The following ATP8B4 variants were observed in gnomAD, a reference collection of about 807,000 sequenced individuals.
ATP8B4 encodes the protein ATPase phospholipid transporting 8B4 (putative).
In ATP8B4, 133 loss-of-function variants were observed where a neutral mutation model predicts 145.6. The observed-to-expected ratio is 0.91, with a 90% CI of 0.79 to 1.05. The LOEUF is 1.05. Ranked by LOEUF, ATP8B4 falls within the 50% of genes least tolerant of loss-of-function variation. ATP8B4 has a pLI of 0.00. For synonymous variants in ATP8B4, 507 were observed against 492.9 expected, an observed-to-expected ratio of 1.03 and a Z score of -0.38; for missense variants, 1,458 against 1,425.2, an observed-to-expected ratio of 1.02 and a Z score of -0.37.
chr15:50,173,404 G>C (rs1282582851), intron 1 of ATP8B4, among the ~76,000 whole-genome samples: 1 of 151,852 alleles, frequency 6.6e-6, no homozygotes, highest in East Asian at 1.9e-4. Context: ...CCCCAACCCC[G>C]TGCTCTCTGA....
intron 1 of ATP8B4, among the ~76,000 whole-genome samples, chr15:50,138,968 A>G (rs533994556): frequency 6.6e-6 from 1 of 152,310 alleles, no homozygotes; most frequent in East Asian, 1.9e-4. Context: ...TGGAAAAAAC[A>G]ATGCTTTTAC....
At chr15:50,138,385 TAGAC>T (rs1437016206) in intron 1 of ATP8B4, among the ~76,000 whole-genome samples, 3 of 104,424 alleles carry the variant, frequency 2.9e-5, no homozygotes, top group African/African-American at 1.7e-4. Flanking sequence ...CAGTCCATGA[TAGAC>T]AGACAGACAG....
At chr15:50,135,578 A>G (rs2044110290) in intron 1 of ATP8B4, among the ~76,000 whole-genome samples, 2 of 152,190 alleles carry the variant, frequency 1.3e-5, no homozygotes, top group Admixed American at 1.3e-4. Flanking sequence ...AGTATGGGGA[A>G]CAAACTCATT....
chr15:49,859,780 A>ATC lies in ATP8B4; in HGVS notation c.*412_*413dup, dbSNP rs1196291171. ...AGGCTGATCTTACAGATACATGTTTATCTGTCAATAGGCATGCTTTTCAGC... is the reference window on the plus strand; with the variant it reads ...AGGCTGATCTTACAGATACATGTTTATCTCTGTCAATAGGCATGCTTTTCAGC... On this transcript the variant is annotated 3_prime_UTR_variant, in exon 28 of 28. Transcript: ENST00000284509. The ATC allele has an allele frequency of 3.7e-5, 6 of 162,710 alleles. No individual in the cohort carries two copies. The highest frequency in any genetic ancestry group is 8.0e-5 in the Non-Finnish European group (6 of 74,614). The allele number at this position is 162,710 out of a possible 1,614,324, so 10.1% of individuals were successfully genotyped here.
chr15:50,155,485 CATTTTT>C (rs1415678809), intron 1 of ATP8B4, among the ~76,000 whole-genome samples: 1 of 152,056 alleles, frequency 6.6e-6, no homozygotes, highest in Admixed American at 6.5e-5. Context: ...ATCTTGAAGT[CATTTTT>C]ATTTTTATTT....
chr15:50,106,631 A>G (rs1002695769), intron 2 of ATP8B4, among the ~76,000 whole-genome samples: 1 of 152,214 alleles, frequency 6.6e-6, no homozygotes, highest in African/African-American at 2.4e-5. Flanking sequence ...ATACTGTATG[A>G]TTTCATTTAT....
intron 14 of ATP8B4, among the ~76,000 whole-genome samples, chr15:49,945,683 G>T (rs936482294): frequency 6.6e-6 from 1 of 152,116 alleles, no homozygotes. Context: ...GGGATTGAAG[G>T]ATGATTCAAC....
chr15:50,047,243 T>A, intron 4 of ATP8B4, 108 bp downstream of exon 4: 1 of 679,178 alleles, frequency 1.5e-6, no homozygotes, highest in Non-Finnish European at 2.5e-6. Context: ...TGATAAAGGA[T>A]GATTGTACCT....
intron 6 of ATP8B4, among the ~76,000 whole-genome samples, chr15:50,027,375 ATGGG>A (rs1288331650): frequency 1.3e-5 from 2 of 150,042 alleles, no homozygotes; most frequent in African/African-American, 5.0e-5. Flanking sequence ...TATGGGATGG[ATGGG>A]TGGATGGATG....
chr15:50,027,541 A>G (rs1486954454), intron 6 of ATP8B4, among the ~76,000 whole-genome samples: 3 of 152,172 alleles, frequency 2.0e-5, no homozygotes, highest in East Asian at 1.9e-4. Flanking sequence ...CCCGTTGCCA[A>G]CAGAGCCCCT....
At chr15:49,865,438 AG>A (rs2032617521) in intron 26 of ATP8B4, among the ~76,000 whole-genome samples, 1 of 152,148 alleles carries the variant, frequency 6.6e-6, no homozygotes, top group Non-Finnish European at 1.5e-5. Context: ...AAACCCAGGG[AG>A]GGGGTTGGGG....
chr15:50,085,150 T>C (rs1431611075), intron 2 of ATP8B4, among the ~76,000 whole-genome samples: 2 of 152,162 alleles, frequency 1.3e-5, no homozygotes, highest in Non-Finnish European at 2.9e-5. Context: ...ATTACCTCCC[T>C]GGCCTCACAT....
chr15:50,158,666 G>C (rs11857407), intron 1 of ATP8B4, among the ~76,000 whole-genome samples: 33,923 of 152,192 alleles, frequency 0.22, 4,354 homozygotes, highest in East Asian at 0.48. Context: ...ATAGAAAAGG[G>C]GGAAAGGTGG....
chr15:49,907,567 C>A (rs1326681377), intron 20 of ATP8B4, among the ~76,000 whole-genome samples: 1 of 152,094 alleles, frequency 6.6e-6, no homozygotes, highest in Non-Finnish European at 1.5e-5. Context: ...AGGAAATAGA[C>A]AAGGAATGAG....
At chr15:49,906,208 C>T (rs1264287731) in intron 20 of ATP8B4, among the ~76,000 whole-genome samples, 2 of 152,142 alleles carry the variant, frequency 1.3e-5, no homozygotes, top group Non-Finnish European at 2.9e-5. Flanking sequence ...ATCAATAGAG[C>T]AATAAATATT....
At chr15:49,893,213 A>G (rs900910453) in intron 23 of ATP8B4, among the ~76,000 whole-genome samples, 1 of 152,226 alleles carries the variant, frequency 6.6e-6, no homozygotes, top group African/African-American at 2.4e-5. Context: ...GTTTCTTTAC[A>G]TTTGGACTTG....
chr15:50,084,960 G>T (rs977795938), intron 2 of ATP8B4, among the ~76,000 whole-genome samples: 6 of 152,128 alleles, frequency 3.9e-5, no homozygotes, highest in African/African-American at 1.4e-4. Context: ...CTTTTGCCTT[G>T]TAAGGTAATG....
intron 3 of ATP8B4, among the ~76,000 whole-genome samples, chr15:50,048,446 G>A (rs542183785): frequency 3.9e-5 from 6 of 152,200 alleles, no homozygotes; most frequent in East Asian, 1.9e-4. Context: ...AGTGGCTCAC[G>A]CCTATAATCC....
intron 23 of ATP8B4, among the ~76,000 whole-genome samples, chr15:49,892,769 C>T (rs980242120): frequency 1.3e-5 from 2 of 152,280 alleles, no homozygotes; most frequent in Admixed American, 1.3e-4. Flanking sequence ...GTAAGAAATA[C>T]CATTATCAAT....
Sources: allele counts gnomAD v4.1 joint callset (sites outside exome capture counted in the v4.1 genomes callset), GRCh38; gene constraint gnomAD v4.1.1; transcripts MANE v1.5; gene names NCBI Gene and HGNC (gene_info 2026-07-23, HGNC 2026-07-21).